TNS1: variants seen among roughly 807,000 people sequenced by gnomAD.
TNS1 encodes the protein tensin 1.
Under a neutral mutation model 168.6 loss-of-function variants are expected in TNS1, and 62 were observed. The ratio of observed to expected loss-of-function variants is 0.37; its 90% CI spans 0.30 to 0.45. The LOEUF (loss-of-function observed/expected upper bound fraction) is 0.45, where lower values mean the gene tolerates loss of function less well. Among genes scored for constraint, TNS1 ranks in the 20% least tolerant of loss-of-function variants. The pLI is 1.00. For missense variants in TNS1, 2,240 were observed against 2,339.4 expected (o/e 0.96, Z 0.88); for synonymous variants, 934 against 933.2 (o/e 1.00, Z -0.02).
chr2:217,845,284 C>T (rs1946491432), intron 19 of TNS1, among the ~76,000 whole-genome samples: 1 of 152,296 alleles, frequency 6.6e-6, no homozygotes, highest in African/African-American at 2.4e-5. Context: ...TTACTCATGT[C>T]AAAGTGTATG....
rs188229175 is a variant in TNS1, at chr2:217,886,806, A to C, written c.867-160T>G. 6.6e-4 allele frequency among the ~76,000 whole-genome samples: 101 copies of C among 152,152 alleles called. 1 individual carries two copies. The highest frequency in any genetic ancestry group is 2.2e-3 in the African/African-American group (92 of 41,510). On this transcript the variant is annotated intron_variant, in intron 12 of 32. Transcript: ENST00000682258. ...CCCCAACCAGGCCTCCCTCCCAGACATGCTTGCCTGCTGCTGGGAGCCCTA... is the reference window on the plus strand; with the variant it reads ...CCCCAACCAGGCCTCCCTCCCAGACCTGCTTGCCTGCTGCTGGGAGCCCTA...
chr2:217,932,823 G>A (rs1052698250), intron 3 of TNS1, among the ~76,000 whole-genome samples: 1 of 152,206 alleles, frequency 6.6e-6, no homozygotes, highest in African/African-American at 2.4e-5. Flanking sequence ...TCAGTTATCT[G>A]AAAATTCACT....
rs149198214 is a variant in TNS1 at position 217,836,105 on chromosome 2, A to G, written c.3114T>C (p.Pro1038=). ...CAGGGGAGCGAACCCCAGGGCTACGAGGGGATGTGGCTTCTGGAGACTGGT... is the reference window on the plus strand; with the variant it reads ...CAGGGGAGCGAACCCCAGGGCTACGGGGGGATGTGGCTTCTGGAGACTGGT... The part of the protein sequence containing the change: ...YENQSPEATS[P]RSPGVRSPVQ... The change falls in exon 20 of 33, where the codon CCT becomes CCC. Residue 1038 remains proline (P), a synonymous_variant. Coordinates refer to ENST00000682258, the MANE Select transcript of TNS1 (RefSeq NM_001387777.1). 151 of 1,614,026 alleles carry G rather than the reference A, an allele frequency of 9.4e-5. No individual in the cohort carries two copies. The African/African-American group carries it at 1.5e-3, about 16-fold the overall frequency.
chr2:217,992,903 C>T (rs1958403027), intron 1 of TNS1, among the ~76,000 whole-genome samples: 2 of 152,342 alleles, frequency 1.3e-5, no homozygotes, highest in South Asian at 4.1e-4. Context: ...ATAGGAATGG[C>T]TTAAATGCGT....
At chr2:218,023,516 C>T (rs977525893) in intron 1 of TNS1, among the ~76,000 whole-genome samples, 2 of 152,174 alleles carry the variant, frequency 1.3e-5, no homozygotes, top group African/African-American at 4.8e-5. Context: ...GCCCACCTGT[C>T]TCCTGGCCAA....
At chr2:217,890,850 G>T (rs2125699898) in intron 12 of TNS1, 112 bp downstream of exon 12, 1 of 1,209,124 alleles carries the variant, frequency 8.3e-7, no homozygotes, top group Middle Eastern at 2.0e-4. Context: ...CTTGCGCCTG[G>T]TACACCCCCA....
chr2:217,884,498 C>T (rs1048198567), intron 16 of TNS1, among the ~76,000 whole-genome samples: 5 of 152,184 alleles, frequency 3.3e-5, no homozygotes, highest in Non-Finnish European at 7.3e-5. Flanking sequence ...ACCTCTTCTC[C>T]TCTCAGAAAA....
upstream of TNS1, among the ~76,000 whole-genome samples, chr2:218,015,365 A>G (rs527750379): frequency 1.9e-4 from 29 of 151,984 alleles, no homozygotes; most frequent in South Asian, 5.0e-3. Context: ...GGGGAGGGGG[A>G]AAGAGAGGGG....
rs571806871 is a variant in TNS1 at position 217,963,232 on chromosome 2, G to T, written c.186+15533C>A. Among the ~76,000 whole-genome samples, 141 of 152,294 alleles carry T rather than the reference G, an allele frequency of 9.3e-4. 1 individual carries two copies. Among genetic ancestry groups the T allele is most frequent in the African/African-American group, 3.2e-3 (135 of 41,554 alleles). On this transcript the variant is annotated intron_variant, in intron 3 of 32. Transcript: ENST00000682258. The stretch of plus-strand genomic sequence containing the variant: ...GGATGCTCAGACTAAGAGGGCAGAG[G>T]AGGAAGAATGCAGACCACCCAGGGA...
At position 217,831,534 on chromosome 2, in the gene TNS1, C is replaced by T. The variant is rs545831386; in HGVS notation, c.3294G>A (p.Pro1098=). The change falls in exon 22 of 33, where the codon CCG becomes CCA. Residue 1098 remains proline (P), a synonymous_variant. Transcript: ENST00000682258. ...CAGACAGGGGTGTCTTGGCCAGACC[C>T]GGGGGGGACCGCACTGTGCCAGGAA... ...SPPPSGVRSP[P]GLAKTPLSAL... is the part of the protein sequence containing the mutation. The T allele has an allele frequency of 1.3e-5, 20 of 1,534,172 alleles. No homozygotes were observed. The East Asian group carries it at 1.5e-4, about 12-fold the overall frequency.
intron 3 of TNS1, among the ~76,000 whole-genome samples, chr2:217,964,886 C>A (rs13018351): frequency 0.14 from 21,149 of 152,250 alleles, 1,533 homozygotes; most frequent in South Asian, 0.21. Flanking sequence ...CTCCTCCTAA[C>A]GGCCCCCCGC....
intron 3 of TNS1, among the ~76,000 whole-genome samples, chr2:217,959,462 CTT>C (rs1260143597): frequency 6.6e-6 from 1 of 150,952 alleles, no homozygotes; most frequent in Non-Finnish European, 1.5e-5. Flanking sequence ...AGTATGGAAA[CTT>C]AGCATGGAAC....
At position 217,854,696 on chromosome 2, in the gene TNS1, G is replaced by C. The variant is rs934004723; in HGVS notation, c.1430-5609C>G. 5.9e-5 allele frequency among the ~76,000 whole-genome samples: 9 copies of C among 152,212 alleles called. No homozygotes were observed. The East Asian group carries it at 1.2e-3, about 20-fold the overall frequency. On this transcript the variant is annotated intron_variant, in intron 18 of 32. Coordinates refer to ENST00000682258, the MANE Select transcript of TNS1 (RefSeq NM_001387777.1). Reference sequence around the variant, plus strand: ...TGAAGCTTGGCCAAGAGCCTGCCCAGAGAGCAAGTTCTGGTTGCATTTTCC... The same window carrying C: ...TGAAGCTTGGCCAAGAGCCTGCCCACAGAGCAAGTTCTGGTTGCATTTTCC...
intron 28 of TNS1, among the ~76,000 whole-genome samples, chr2:217,811,544 G>A (rs74721811): frequency 0.015 from 2,281 of 152,258 alleles, 33 homozygotes; most frequent in Non-Finnish European, 0.022. Flanking sequence ...GCCTAGGAGC[G>A]CTTCTGAAGG....
intron 4 of TNS1, among the ~76,000 whole-genome samples, chr2:217,918,294 G>T (rs536537321): frequency 3.0e-4 from 45 of 152,326 alleles, no homozygotes; most frequent in African/African-American, 1.0e-3. Context: ...ACCAGGGAGC[G>T]GGGGAGCTGG....
chr2:217,855,738 C>T (rs1398027610), intron 18 of TNS1, among the ~76,000 whole-genome samples: 6 of 152,070 alleles, frequency 3.9e-5, no homozygotes, highest in African/African-American at 9.7e-5. Flanking sequence ...ACCGAGTAGC[C>T]GAGAAAGCTT....
At position 217,808,107 on chromosome 2, in the gene TNS1, C is replaced by A; in HGVS notation, c.5343G>T (p.Lys1781Asn). The change falls in exon 32 of 33, where the codon AAG (lysine) becomes AAT (asparagine). Residue 1781 changes from lysine (K) to asparagine (N), a missense_variant and splice_region_variant. Around this residue, in one of 2 missense-constraint regions of TNS1, gnomAD observed 109 missense variants for 168.1 expected, o/e 0.65. Transcript: ENST00000682258. ...TFCDLDPQER[K>N]WMKTEGGAPA... ...GGGCACCACCCTCTGTTTTCATCCA[C>A]CTGTGGAGAGAAAGTGGGCTCAGGG... 6.2e-7 allele frequency: 1 copy of A among 1,613,120 alleles called. No individual in the cohort carries two copies. The highest frequency in any genetic ancestry group is 2.2e-5 in the East Asian group (1 of 44,880).
At chr2:217,985,571 AC>A (rs1958176052) in intron 2 of TNS1, 1 of 151,986 alleles carries the variant, frequency 6.6e-6, no homozygotes, top group African/African-American at 2.4e-5. Flanking sequence ...GGCACGCACC[AC>A]CATGCCCGGG....
Position 217,848,669 on chromosome 2 carries a change from C to G in TNS1, c.1848G>C (p.Ala616=). The G allele has an allele frequency of 6.2e-7, 1 of 1,614,240 alleles. No individual in the cohort carries two copies. The highest frequency in any genetic ancestry group is 8.5e-7 in the Non-Finnish European group (1 of 1,180,030). ...TGTCTGTCTCCCGCTCAGATGCTAA[C>G]GCCCCACCATTGACATGAACCTGGG... The part of the protein sequence containing the change: ...VPAQVHVNGG[A]LASERETDIL... The change falls in exon 19 of 33, where the codon GCG becomes GCC. Residue 616 remains alanine (A), a synonymous_variant. Coordinates refer to ENST00000682258, the MANE Select transcript of TNS1 (RefSeq NM_001387777.1).
Sources: gnomAD v4.1 joint callset for allele counts (sites outside exome capture counted in the v4.1 genomes callset) on GRCh38, gnomAD v4.1.1 for gene constraint, gnomAD v4.1.1 regional missense constraint, MANE v1.5 for transcripts, NCBI Gene and HGNC (gene_info 2026-07-23, HGNC 2026-07-21) for gene names.